The following ARIH1 variants were observed in gnomAD, a reference collection of about 807,000 sequenced individuals.
ARIH1 encodes E3 ubiquitin-protein ligase ARIH1.
A neutral mutation model predicts 85.0 loss-of-function variants in ARIH1; 8 were observed. That is an observed-to-expected ratio of 0.09 (90% CI 0.06 to 0.17). The LOEUF (loss-of-function observed/expected upper bound fraction) is 0.17. ARIH1 is among the 10% of genes least tolerant of loss of function. The pLI, the probability that ARIH1 is intolerant of heterozygous loss-of-function variation, is 1.00. For missense variants in ARIH1, 311 were observed against 718.1 expected (o/e 0.43, Z 6.48); for synonymous variants, 238 against 253.6 (o/e 0.94, Z 0.59).
At chr15:72,577,734 T>C (rs543920670) in intron 11 of ARIH1, among the ~76,000 whole-genome samples, 1 of 152,142 alleles carries the variant, frequency 6.6e-6, no homozygotes, top group East Asian at 1.9e-4. Flanking sequence ...TTGAGTAGGC[T>C]GAGGAGGAAA....
At chr15:72,542,757 TGA>T (rs1410743665) in intron 2 of ARIH1, among the ~76,000 whole-genome samples, 1 of 152,142 alleles carries the variant, frequency 6.6e-6, no homozygotes, top group Non-Finnish European at 1.5e-5. Flanking sequence ...AACCAAAGTA[TGA>T]GAGTCATTAG....
At chr15:72,543,743 A>G (rs12914829) in intron 2 of ARIH1, among the ~76,000 whole-genome samples, 2,146 of 152,276 alleles carry the variant, frequency 0.014, 45 homozygotes, top group East Asian at 0.1. Flanking sequence ...TTGTATATAA[A>G]GAGCATTATA....
rs559263933 is a variant in ARIH1, at chr15:72,513,841, C to A, written c.376-4226C>A. ...CCTCTCCCTCCCCCTCTCCCTCCCTCCCTCTCTGTCTCTCTCCCTCCTTCC... is the reference window on the plus strand; with the variant it reads ...CCTCTCCCTCCCCCTCTCCCTCCCTACCTCTCTGTCTCTCTCCCTCCTTCC... On this transcript the variant is annotated intron_variant, in intron 1 of 13. Coordinates refer to ENST00000379887, the MANE Select transcript of ARIH1 (RefSeq NM_005744.5). Among the ~76,000 whole-genome samples, 535 of 102,192 alleles carry A rather than the reference C, an allele frequency of 5.2e-3. 6 individuals carry two copies. The highest frequency in any genetic ancestry group is 9.0e-3 in the Non-Finnish European group (442 of 49,228). 67.0% of individuals were successfully genotyped at this position (102,192 alleles called of 152,430 possible).
chr15:72,601,905 C>T lies in ARIH1; in HGVS notation c.*18613C>T, dbSNP rs932637185. 6.6e-6 allele frequency: 1 copy of T among 152,190 alleles called. No homozygotes were observed. Among genetic ancestry groups the T allele is most frequent in the African/African-American group, 2.4e-5 (1 of 41,458 alleles). 9.4% of individuals were successfully genotyped at this position (152,190 alleles called of 1,614,324 possible). On this transcript the variant is annotated 3_prime_UTR_variant, in exon 14 of 14. Transcript: ENST00000379887. ...CAGAAATATTTTCTAAGTATACAAG[C>T]AATTATGTATATAATATTCCTCTTT... is the stretch of plus-strand genomic sequence containing the variant.
chr15:72,490,792 C>T (rs568705299), intron 1 of ARIH1, among the ~76,000 whole-genome samples: 3 of 152,076 alleles, frequency 2.0e-5, no homozygotes, highest in Non-Finnish European at 2.9e-5. Context: ...CTTAGCCAAA[C>T]ATGTTTTGAG....
At chr15:72,563,135 C>T (rs1244396412) in intron 6 of ARIH1, among the ~76,000 whole-genome samples, 1 of 152,242 alleles carries the variant, frequency 6.6e-6, no homozygotes, top group African/African-American at 2.4e-5. Flanking sequence ...TCTGCAGCCT[C>T]TACTTCCTGG....
At chr15:72,537,333 T>C (rs2064086851) in intron 2 of ARIH1, among the ~76,000 whole-genome samples, 1 of 152,188 alleles carries the variant, frequency 6.6e-6, no homozygotes, top group Admixed American at 6.5e-5. Flanking sequence ...ACATTCTGCC[T>C]CAGGAACCCT....
At position 72,474,456 on chromosome 15, in the gene ARIH1, C is replaced by T. The variant is rs994586228; in HGVS notation, c.-184C>T. The T allele has an allele frequency of 1.3e-6, 1 of 758,642 alleles. No individual in the cohort carries two copies. Among genetic ancestry groups the T allele is most frequent in the Non-Finnish European group, 2.0e-6 (1 of 496,444 alleles). 47.0% of individuals were successfully genotyped at this position (758,642 alleles called of 1,614,324 possible). A position where few individuals can be genotyped will look rare whatever the true frequency, so the allele number is the denominator to read the frequency against. On this transcript the variant is annotated 5_prime_UTR_variant, in exon 1 of 14. Coordinates refer to ENST00000379887, the MANE Select transcript of ARIH1 (RefSeq NM_005744.5). ...TCGCTCCCTCCCTCCCTCCTCCGCG[C>T]CCTCCCCGCCGCCACCAGCCGTCAA...
chr15:72,561,499 T>A lies in ARIH1; in HGVS notation c.754T>A (p.Ser252Thr). 1 of 1,598,842 alleles carries A rather than the reference T, an allele frequency of 6.3e-7. No homozygotes were observed. The highest frequency in any genetic ancestry group is 8.6e-7 in the Non-Finnish European group (1 of 1,169,190). The change falls in exon 6 of 14, where the codon TCA becomes ACA. Residue 252 changes from serine (S) to threonine (T), a missense_variant. Around this residue, in one of 3 missense-constraint regions of ARIH1, gnomAD observed 104 missense variants for 221.4 expected, o/e 0.47. Coordinates refer to ENST00000379887, the MANE Select transcript of ARIH1 (RefSeq NM_005744.5). ...TGGTTTCAGGCGCCTGATCACAGAT[T>A]CAAAAGTTAAATTAAAGTATCAGCA... Reference protein sequence around the residue: ...DNTVMRLITDSKVKLKYQHLI... With the variant: ...DNTVMRLITDTKVKLKYQHLI...
At chr15:72,496,550 G>A (rs2063881088) in intron 1 of ARIH1, among the ~76,000 whole-genome samples, 1 of 152,224 alleles carries the variant, frequency 6.6e-6, no homozygotes. Context: ...GTAACTGTCA[G>A]TGGTATTAAA....
Position 72,597,846 on chromosome 15 carries a change from A to G in ARIH1, c.*14554A>G, listed in dbSNP as rs1315867309. On this transcript the variant is annotated 3_prime_UTR_variant, in exon 14 of 14. Coordinates refer to ENST00000379887, the MANE Select transcript of ARIH1 (RefSeq NM_005744.5). ...CAGGTTTCTCTTTTCTCCCCCCTGT[A>G]GTATTCCTCTTCCTACCATAGTTCA... is the stretch of plus-strand genomic sequence containing the variant. 1.3e-5 allele frequency: 2 copies of G among 152,186 alleles called. No homozygotes were observed. Among genetic ancestry groups the G allele is most frequent in the Non-Finnish European group, 2.9e-5 (2 of 68,040 alleles). The allele number at this position is 152,186 out of a possible 1,614,324, so 9.4% of individuals were successfully genotyped here.
intron 3 of ARIH1, among the ~76,000 whole-genome samples, chr15:72,545,674 A>G (rs2064125794): frequency 6.6e-6 from 1 of 152,234 alleles, no homozygotes; most frequent in Non-Finnish European, 1.5e-5. Context: ...TAAAAATACA[A>G]AAAAATTATC....
At chr15:72,507,468 T>TC (rs940500989) in intron 1 of ARIH1, among the ~76,000 whole-genome samples, 4 of 152,106 alleles carry the variant, frequency 2.6e-5, no homozygotes, top group African/African-American at 7.2e-5. Flanking sequence ...TGCCCAGGTG[T>TC]CCCCCTCAGT....
intron 1 of ARIH1, among the ~76,000 whole-genome samples, chr15:72,502,064 T>C (rs12906942): frequency 0.017 from 2,564 of 152,322 alleles, 55 homozygotes; most frequent in East Asian, 0.091. Flanking sequence ...CTTGAGTATT[T>C]TTTTTTGATA....
chr15:72,498,322 A>AT (rs1306164094), intron 1 of ARIH1, among the ~76,000 whole-genome samples: 2 of 152,070 alleles, frequency 1.3e-5, no homozygotes, highest in Middle Eastern at 3.4e-3. Flanking sequence ...GCAAGTTGCT[A>AT]TTTTTTCCTT....
chr15:72,536,488 G>C (rs541807230), intron 2 of ARIH1, among the ~76,000 whole-genome samples: 3 of 152,078 alleles, frequency 2.0e-5, no homozygotes, highest in Non-Finnish European at 4.4e-5. Context: ...ATGTAAAAAA[G>C]CTTTTTGATT....
chr15:72,481,346 C>CT (rs2063815932), intron 1 of ARIH1, among the ~76,000 whole-genome samples: 1 of 152,118 alleles, frequency 6.6e-6, no homozygotes, highest in Admixed American at 6.5e-5. Flanking sequence ...CAGTGTTTCT[C>CT]TATGTGTTAC....
intron 1 of ARIH1, among the ~76,000 whole-genome samples, chr15:72,515,061 G>A (rs2063968905): frequency 1.3e-5 from 2 of 152,052 alleles, no homozygotes; most frequent in Admixed American, 1.3e-4. Context: ...GATCATGGTT[G>A]TAATAACTGC....
intron 1 of ARIH1, among the ~76,000 whole-genome samples, chr15:72,489,397 CA>C (rs1290457358): frequency 6.6e-6 from 1 of 151,986 alleles, no homozygotes; most frequent in African/African-American, 2.4e-5. Flanking sequence ...TGTTGCAGGG[CA>C]ATGAGGAGGT....
Sources: gnomAD v4.1 joint callset for allele counts (sites outside exome capture counted in the v4.1 genomes callset) on GRCh38, gnomAD v4.1.1 for gene constraint, gnomAD v4.1.1 regional missense constraint, MANE v1.5 for transcripts, NCBI Gene and HGNC (gene_info 2026-07-23, HGNC 2026-07-21) for gene names.